Variants in SYNJ1 observed in about 807,000 individuals in gnomAD.
The protein encoded by SYNJ1 is synaptojanin 1, also known as polyphosphatidylinositol phosphatase SYNJ1.
A neutral mutation model predicts 168.2 loss-of-function variants in SYNJ1; 78 were observed. The observed-to-expected ratio is 0.46, with a 90% CI of 0.39 to 0.56. SYNJ1 has a LOEUF of 0.56. SYNJ1 is among the 20% of genes least tolerant of loss of function. SYNJ1 has a pLI of 0.00. For missense variants in SYNJ1, 1,303 were observed against 1,597.6 expected (o/e 0.82, Z 3.14); for synonymous variants, 539 against 548.6 (o/e 0.98, Z 0.24).
chr21:32,724,507 A>C (rs181949380), intron 2 of SYNJ1, among the ~76,000 whole-genome samples: 1 of 152,320 alleles, frequency 6.6e-6, no homozygotes, highest in African/African-American at 2.4e-5. Context: ...ACAAGCAAAC[A>C]AACAAAGAAA....
intron 25 of SYNJ1, 40 bp downstream of exon 25, chr21:32,645,606 A>T (rs1223688046): frequency 2.0e-6 from 3 of 1,489,320 alleles, no homozygotes; most frequent in Non-Finnish European, 2.7e-6. Context: ...TAGAGTGAAG[A>T]ATTTTACATC....
rs533438659 is a variant in SYNJ1, at chr21:32,721,946, G to A, written c.124+4826C>T. Among the ~76,000 whole-genome samples the A allele has an allele frequency of 3.2e-4, 48 of 152,070 alleles. 1 individual carries two copies. In the South Asian group the frequency reaches 6.2e-3, roughly 20 times the overall value. On this transcript the variant is annotated intron_variant, in intron 2 of 32. Coordinates refer to ENST00000674351, the MANE Select transcript of SYNJ1 (RefSeq NM_203446.3). ...TATGCCTGTAATCCCAGCACTTTGG[G>A]AGGCCAAGGCGGGCGGATCACCTGA... is the stretch of plus-strand genomic sequence containing the variant.
At chr21:32,690,888 C>T (rs2041999822) in intron 6 of SYNJ1, among the ~76,000 whole-genome samples, 2 of 152,136 alleles carry the variant, frequency 1.3e-5, no homozygotes, top group African/African-American at 2.4e-5. Flanking sequence ...TGCCATTGCA[C>T]TCCAATGGGC....
At chr21:32,631,827 A>C in intron 32 of SYNJ1, 26 bp from the exon 33 acceptor site, 2 of 1,580,522 alleles carry the variant, frequency 1.3e-6, no homozygotes, top group Non-Finnish European at 1.7e-6. Context: ...AGCACTGAAA[A>C]ATCAGTTTAT....
chr21:32,713,619 T>A (rs2042917272), intron 2 of SYNJ1, among the ~76,000 whole-genome samples: 1 of 147,284 alleles, frequency 6.8e-6, no homozygotes, highest in Non-Finnish European at 1.5e-5. Flanking sequence ...TATGTCAACA[T>A]GGATGATTTC....
intron 2 of SYNJ1, among the ~76,000 whole-genome samples, chr21:32,721,140 T>C (rs1478201023): frequency 6.6e-6 from 1 of 152,236 alleles, no homozygotes; most frequent in Non-Finnish European, 1.5e-5. Context: ...CTTAAACTGG[T>C]AGATGCAGCA....
intron 6 of SYNJ1, among the ~76,000 whole-genome samples, chr21:32,689,255 G>A (rs1251716566): frequency 6.6e-6 from 1 of 152,132 alleles, no homozygotes; most frequent in African/African-American, 2.4e-5. Flanking sequence ...CTGAGGGGGG[G>A]CAAAAAAGTT....
At chr21:32,701,809 C>T (rs2042413500) in intron 3 of SYNJ1, 152 bp downstream of exon 3, 2 of 517,766 alleles carry the variant, frequency 3.9e-6, no homozygotes, top group Middle Eastern at 5.5e-4. Context: ...AACATTATCA[C>T]AATATTAGCT....
chr21:32,633,338 G>A (rs1195562020), intron 32 of SYNJ1, among the ~76,000 whole-genome samples: 1 of 152,058 alleles, frequency 6.6e-6, no homozygotes, highest in Non-Finnish European at 1.5e-5. Flanking sequence ...GGTTGGAGTG[G>A]AGCACAGCCA....
chr21:32,704,554 G>C (rs1030469414), intron 2 of SYNJ1, among the ~76,000 whole-genome samples: 1 of 152,180 alleles, frequency 6.6e-6, no homozygotes, highest in Non-Finnish European at 1.5e-5. Context: ...TCCACTTGTG[G>C]GAGGGGCCGC....
chr21:32,726,285 A>G (rs969361187), intron 2 of SYNJ1, among the ~76,000 whole-genome samples: 2 of 152,250 alleles, frequency 1.3e-5, no homozygotes, highest in Admixed American at 1.3e-4. Context: ...ACTTTTAAAA[A>G]TAATACAAAA....
chr21:32,717,942 G>C (rs1205922332), intron 2 of SYNJ1, among the ~76,000 whole-genome samples: 1 of 152,220 alleles, frequency 6.6e-6, no homozygotes, highest in East Asian at 1.9e-4. Context: ...CAGTAAGCTG[G>C]AGCATTCATA....
chr21:32,661,365 G>A (rs1262270966), intron 18 of SYNJ1, among the ~76,000 whole-genome samples: 1 of 152,164 alleles, frequency 6.6e-6, no homozygotes, highest in African/African-American at 2.4e-5. Flanking sequence ...GTCTTCAGGT[G>A]GATTTCACAG....
rs924171603 is a variant in SYNJ1 at position 32,680,536 on chromosome 21, T to C, written c.1353+960A>G. Among the ~76,000 whole-genome samples the C allele has an allele frequency of 2.0e-5, 3 of 151,954 alleles. No homozygotes were observed. The East Asian group carries it at 5.8e-4, about 29-fold the overall frequency. ...CCAAACTCCCTCAATAAGGGACAAA[T>C]ACTTGAGAAGAAAGTAGTCTGTAGA... On this transcript the variant is annotated intron_variant, in intron 11 of 32. Coordinates refer to ENST00000674351, the MANE Select transcript of SYNJ1 (RefSeq NM_203446.3).
chr21:32,659,661 C>G (rs140566326), intron 18 of SYNJ1, among the ~76,000 whole-genome samples: 1 of 152,138 alleles, frequency 6.6e-6, no homozygotes, highest in Admixed American at 6.5e-5. Flanking sequence ...GACCCTATCA[C>G]GCGGACCCCC....
At chr21:32,681,755 T>C (rs547049954) in intron 10 of SYNJ1, 107 bp from the exon 11 acceptor site, 14 of 991,732 alleles carry the variant, frequency 1.4e-5, no homozygotes, top group Non-Finnish European at 2.0e-5. Flanking sequence ...TATAGCACTA[T>C]TTGGGACTAG....
intron 2 of SYNJ1, among the ~76,000 whole-genome samples, chr21:32,706,807 A>G (rs897761895): frequency 3.3e-5 from 5 of 152,114 alleles, no homozygotes; most frequent in African/African-American, 7.2e-5. Context: ...ACCTAATTAA[A>G]TTTCTGCCCC....
intron 10 of SYNJ1, among the ~76,000 whole-genome samples, chr21:32,683,415 C>T (rs1044766204): frequency 1.3e-5 from 2 of 151,860 alleles, no homozygotes; most frequent in East Asian, 3.8e-4. Context: ...TTCATTCTCA[C>T]TAACTATGGC....
intron 2 of SYNJ1, among the ~76,000 whole-genome samples, chr21:32,721,584 CAGG>C (rs1287919232): frequency 2.6e-5 from 4 of 151,676 alleles, no homozygotes; most frequent in Non-Finnish European, 5.9e-5. Context: ...GAGGCTGAGG[CAGG>C]AGAACTCCTT....
Sources: gnomAD v4.1 joint callset for allele counts (sites outside exome capture counted in the v4.1 genomes callset) on GRCh38, gnomAD v4.1.1 for gene constraint, MANE v1.5 for transcripts, NCBI Gene and HGNC (gene_info 2026-07-23, HGNC 2026-07-21) for gene names.